The following LRFN2 variants were observed in gnomAD, a reference collection of about 807,000 sequenced individuals.
LRFN2 encodes leucine-rich repeat and fibronectin type-III domain-containing protein 2.
In LRFN2, 18 loss-of-function variants were observed where a neutral mutation model predicts 37.3. The ratio of observed to expected loss-of-function variants is 0.48; its 90% confidence interval spans 0.33 to 0.72. LRFN2 has a LOEUF of 0.72. Among genes scored for constraint, LRFN2 ranks in the 30% least tolerant of loss-of-function variants. The pLI is 0.02. For synonymous variants in LRFN2, 556 were observed against 466.6 expected, an observed-to-expected ratio of 1.19 and a Z score of -2.47; for missense variants, 1,006 against 1,060.7, an observed-to-expected ratio of 0.95 and a Z score of 0.72.
At chr6:40,513,183 A>C (rs2113889316) in intron 1 of LRFN2, among the ~76,000 whole-genome samples, 1 of 152,252 alleles carries the variant, frequency 6.6e-6, no homozygotes, top group South Asian at 2.1e-4. Flanking sequence ...CATTTGAAGG[A>C]ATATAGCAGA....
intron 2 of LRFN2, among the ~76,000 whole-genome samples, chr6:40,415,093 C>T (rs1392902236): frequency 6.6e-6 from 1 of 152,202 alleles, no homozygotes. Context: ...ACATCTGAGG[C>T]AAGGGACCAG....
chr6:40,431,543 A>T (rs183042823), intron 2 of LRFN2, among the ~76,000 whole-genome samples, 171 bp downstream of exon 2: 22 of 152,068 alleles, frequency 1.4e-4, no homozygotes, highest in African/African-American at 5.3e-4. Flanking sequence ...CTTGTAGTTG[A>T]TGTTCTTTTT....
intron 2 of LRFN2, among the ~76,000 whole-genome samples, chr6:40,394,768 C>T (rs1472780612): frequency 1.3e-5 from 2 of 151,972 alleles, no homozygotes; most frequent in Non-Finnish European, 2.9e-5. Context: ...GTGGGTCTTT[C>T]CCAAGCTATT....
At chr6:40,512,126 A>G (rs1044976772) in intron 1 of LRFN2, among the ~76,000 whole-genome samples, 1 of 152,182 alleles carries the variant, frequency 6.6e-6, no homozygotes, top group Non-Finnish European at 1.5e-5. Context: ...CACACTGACC[A>G]TAGTCTCCAA....
At position 40,542,822 on chromosome 6, in the gene LRFN2, C is replaced by T. The variant is rs1166907244; in HGVS notation, c.-19+44119G>A. 2.6e-5 allele frequency among the ~76,000 whole-genome samples: 4 copies of T among 152,204 alleles called. No homozygotes were observed. The East Asian group carries it at 7.7e-4, about 29-fold the overall frequency. On this transcript the variant is annotated intron_variant, in intron 1 of 2. Transcript: ENST00000338305. The stretch of plus-strand genomic sequence containing the variant: ...AGAGGGCTGGGCTTTCCCAGCTGCT[C>T]TCTCCAAGGGATTAGTGCCCTAGGT...
chr6:40,543,340 T>C (rs1238205193), intron 1 of LRFN2, among the ~76,000 whole-genome samples: 1 of 152,250 alleles, frequency 6.6e-6, no homozygotes, highest in Non-Finnish European at 1.5e-5. Context: ...TGCACCGTCA[T>C]GTATGTGCCT....
intron 1 of LRFN2, among the ~76,000 whole-genome samples, chr6:40,527,090 G>A (rs1037442705): frequency 2.6e-5 from 4 of 152,312 alleles, no homozygotes; most frequent in Non-Finnish European, 4.4e-5. Flanking sequence ...CAGTGATATC[G>A]AATAGCAGCA....
intron 1 of LRFN2, among the ~76,000 whole-genome samples, chr6:40,495,010 C>T (rs1765191698): frequency 6.6e-6 from 1 of 152,222 alleles, no homozygotes; most frequent in African/African-American, 2.4e-5. Flanking sequence ...ATCTGCTTGG[C>T]ACCTGCATCC....
chr6:40,468,943 G>C (rs1764532226), intron 1 of LRFN2, among the ~76,000 whole-genome samples: 1 of 152,172 alleles, frequency 6.6e-6, no homozygotes, highest in South Asian at 2.1e-4. Context: ...ATTGTAGTGG[G>C]TTGAATGGAG....
chr6:40,429,856 T>C (rs941377302), intron 2 of LRFN2, among the ~76,000 whole-genome samples: 1 of 152,208 alleles, frequency 6.6e-6, no homozygotes, highest in African/African-American at 2.4e-5. Context: ...TTTAATACCA[T>C]GGGAACTAAG....
intron 1 of LRFN2, among the ~76,000 whole-genome samples, chr6:40,531,598 G>A (rs934864647): frequency 2.6e-5 from 4 of 152,050 alleles, no homozygotes; most frequent in South Asian, 2.1e-4. Context: ...TTTTTGATTC[G>A]TTGCCCCCTC....
intron 1 of LRFN2, among the ~76,000 whole-genome samples, chr6:40,456,463 C>G (rs535054883): frequency 6.6e-6 from 1 of 152,214 alleles, no homozygotes; most frequent in South Asian, 2.1e-4. Context: ...AAGTAGCCTA[C>G]TCTGTAGCTA....
At position 40,392,884 on chromosome 6, in the gene LRFN2, C is replaced by G. The variant is rs746500615; in HGVS notation, c.1429G>C (p.Val477Leu). The part of the protein sequence containing the change: ...RMIPASNKAF[V>L]VNNLVSGTGY... The stretch of plus-strand genomic sequence containing the variant: ...GTCCCTGACACCAGGTTGTTGACCA[C>G]GAAGGCCTTGTTGGAGGCTGGGATC... The change falls in exon 3 of 3, where the codon GTG becomes CTG. Residue 477 changes from valine to leucine, a missense_variant. Coordinates refer to ENST00000338305, the MANE Select transcript of LRFN2 (RefSeq NM_020737.3). The surrounding 1 kb of genome is among the most constrained non-coding windows in gnomAD (Gnocchi z 4.7). 6.2e-7 allele frequency: 1 copy of G among 1,611,578 alleles called. No individual in the cohort carries two copies. Among genetic ancestry groups the G allele is most frequent in the Non-Finnish European group, 8.5e-7 (1 of 1,178,850 alleles).
chr6:40,496,975 T>C (rs1765242608), intron 1 of LRFN2, among the ~76,000 whole-genome samples: 1 of 152,166 alleles, frequency 6.6e-6, no homozygotes, highest in Non-Finnish European at 1.5e-5. Context: ...AGGGTTCTCA[T>C]ACCCAACACA....
chr6:40,475,020 T>A (rs1311461422), intron 1 of LRFN2, among the ~76,000 whole-genome samples: 1 of 152,112 alleles, frequency 6.6e-6, no homozygotes, highest in Non-Finnish European at 1.5e-5. Flanking sequence ...CCAGCCACAC[T>A]CACTCTTATG....
At chr6:40,521,562 G>A (rs541107637) in intron 1 of LRFN2, among the ~76,000 whole-genome samples, 6 of 152,312 alleles carry the variant, frequency 3.9e-5, no homozygotes, top group East Asian at 3.9e-4. Context: ...TTAAGCAGTC[G>A]GATTTTATAC....
intron 1 of LRFN2, among the ~76,000 whole-genome samples, chr6:40,568,332 G>A (rs1204693537): frequency 6.6e-6 from 1 of 152,162 alleles, no homozygotes; most frequent in Non-Finnish European, 1.5e-5. Flanking sequence ...ACTGTGAGTT[G>A]GCATGCAGGC....
intron 1 of LRFN2, among the ~76,000 whole-genome samples, chr6:40,569,938 C>T (rs961474346): frequency 2.0e-4 from 30 of 152,254 alleles, no homozygotes; most frequent in African/African-American, 6.3e-4. Context: ...CTGCCTCACC[C>T]TCTGCGTTCC....
At chr6:40,395,854 T>C (rs1010632710) in intron 2 of LRFN2, among the ~76,000 whole-genome samples, 2 of 152,196 alleles carry the variant, frequency 1.3e-5, no homozygotes, top group East Asian at 3.9e-4. Flanking sequence ...CACCATTTTG[T>C]TGGGCCACAG....
Sources: gnomAD v4.1 joint callset for allele counts (sites outside exome capture counted in the v4.1 genomes callset) on GRCh38, gnomAD v4.1.1 for gene constraint, Gnocchi (gnomAD v3.1) non-coding constraint, MANE v1.5 for transcripts, NCBI Gene and HGNC (gene_info 2026-07-23, HGNC 2026-07-21) for gene names.